OSBPL6: variants seen among roughly 807,000 people sequenced by gnomAD.
OSBPL6 encodes oxysterol binding protein like 6.
In OSBPL6, 49 loss-of-function variants were observed where a neutral mutation model predicts 125.8. The ratio of observed to expected loss-of-function variants is 0.39; its 90% CI spans 0.31 to 0.49. The LOEUF (loss-of-function observed/expected upper bound fraction) is 0.49, where lower values mean the gene tolerates loss of function less well. OSBPL6 is among the 20% of genes least tolerant of loss of function. The pLI, the probability that OSBPL6 is intolerant of heterozygous loss-of-function variation, is 0.88. For synonymous variants in OSBPL6, 394 were observed against 391.8 expected, an observed-to-expected ratio of 1.01 and a Z score of -0.07; for missense variants, 986 against 1,135.4, an observed-to-expected ratio of 0.87 and a Z score of 1.89.
chr2:178,219,153 G>A (rs1048737894), intron 1 of OSBPL6, among the ~76,000 whole-genome samples: 1 of 152,106 alleles, frequency 6.6e-6, no homozygotes, highest in Non-Finnish European at 1.5e-5. Flanking sequence ...AAAATAGACT[G>A]TTAGTGATAG....
At chr2:178,372,102 A>G (rs758247908) in intron 13 of OSBPL6, 24 bp from the exon 14 acceptor site, 2 of 1,525,894 alleles carry the variant, frequency 1.3e-6, no homozygotes, top group Admixed American at 1.7e-5. Context: ...TTTAAATTAC[A>G]TATGTGGTTT....
intron 1 of OSBPL6, among the ~76,000 whole-genome samples, chr2:178,201,747 T>C (rs1376584520): frequency 6.6e-6 from 1 of 152,226 alleles, no homozygotes; most frequent in Non-Finnish European, 1.5e-5. Flanking sequence ...TGGCACATGG[T>C]CCACATTAGA....
rs1169874354 is a variant in OSBPL6, at chr2:178,400,117, T to C, written c.*4558T>C. The stretch of plus-strand genomic sequence containing the variant: ...AACACTTAATTCATAAAGTGAGCAA[T>C]TGAACTTCTTAATACTGTTAGAGAA... On this transcript the variant is annotated 3_prime_UTR_variant, in exon 25 of 25. Coordinates refer to ENST00000190611, the MANE Select transcript of OSBPL6 (RefSeq NM_032523.4). The C allele has an allele frequency of 6.6e-6, 1 of 151,852 alleles. No homozygotes were observed. Among genetic ancestry groups the C allele is most frequent in the Non-Finnish European group, 1.5e-5 (1 of 67,992 alleles). The allele number at this position is 151,852 out of a possible 1,614,324, so 9.4% of individuals were successfully genotyped here.
intron 20 of OSBPL6, 54 bp from the exon 21 acceptor site, chr2:178,388,955 T>G: frequency 6.3e-7 from 1 of 1,577,036 alleles, no homozygotes; most frequent in Non-Finnish European, 8.7e-7. Flanking sequence ...GCAGAAACAG[T>G]TATATGTGTT....
chr2:178,338,184 C>A (rs779847079), intron 9 of OSBPL6, among the ~76,000 whole-genome samples: 1 of 152,158 alleles, frequency 6.6e-6, no homozygotes, highest in Non-Finnish European at 1.5e-5. Context: ...CCTCCCACCT[C>A]TGCCTCCCGA....
chr2:178,224,926 C>A (rs1002277338), intron 1 of OSBPL6, among the ~76,000 whole-genome samples: 5 of 152,098 alleles, frequency 3.3e-5, no homozygotes, highest in African/African-American at 4.8e-5. Context: ...CAGAGCAAGA[C>A]CCTGTCTGAA....
At chr2:178,311,407 A>C (rs552938700) in intron 3 of OSBPL6, among the ~76,000 whole-genome samples, 1 of 152,250 alleles carries the variant, frequency 6.6e-6, no homozygotes, top group African/African-American at 2.4e-5. Flanking sequence ...TCTTTAAAGC[A>C]TTGACTACCA....
intron 11 of OSBPL6, among the ~76,000 whole-genome samples, chr2:178,343,915 A>G (rs1390989808): frequency 6.6e-6 from 1 of 152,098 alleles, no homozygotes; most frequent in Non-Finnish European, 1.5e-5. Flanking sequence ...GTTTTTCCTG[A>G]ACTTACTTTT....
intron 1 of OSBPL6, among the ~76,000 whole-genome samples, chr2:178,262,439 A>C (rs2092094225): frequency 1.3e-5 from 2 of 152,208 alleles, no homozygotes; most frequent in South Asian, 4.1e-4. Context: ...TTAGGGTAGT[A>C]ACAAAATGTT....
chr2:178,340,177 T>C (rs1315405494), intron 11 of OSBPL6, among the ~76,000 whole-genome samples: 2 of 152,096 alleles, frequency 1.3e-5, no homozygotes, highest in African/African-American at 4.8e-5. Context: ...CAAGAAAAAG[T>C]GTAGGAGGTT....
At chr2:178,243,394 T>C (rs1279993007) in intron 1 of OSBPL6, among the ~76,000 whole-genome samples, 1 of 152,186 alleles carries the variant, frequency 6.6e-6, no homozygotes, top group Non-Finnish European at 1.5e-5. Flanking sequence ...AAACCAATCT[T>C]TTGATCCCCT....
At chr2:178,221,427 C>T (rs1183245310) in intron 1 of OSBPL6, among the ~76,000 whole-genome samples, 1 of 151,928 alleles carries the variant, frequency 6.6e-6, no homozygotes, top group African/African-American at 2.4e-5. Context: ...GTGACTGGGT[C>T]ATTATTGAGC....
intron 15 of OSBPL6, among the ~76,000 whole-genome samples, chr2:178,379,257 AAAAC>A (rs1334262963): frequency 6.9e-6 from 1 of 143,898 alleles, no homozygotes; most frequent in Non-Finnish European, 1.5e-5. Flanking sequence ...GAGAGAAAGA[AAAAC>A]AAAGAAAGAG....
intron 22 of OSBPL6, among the ~76,000 whole-genome samples, chr2:178,391,936 A>C (rs111496196): frequency 6.6e-6 from 1 of 152,220 alleles, no homozygotes; most frequent in South Asian, 2.1e-4. Flanking sequence ...GCTTTATTCC[A>C]GGAGCTCGGG....
chr2:178,392,666 G>A lies in OSBPL6; in HGVS notation c.2573+128G>A, dbSNP rs576962930. 6 of 1,231,652 alleles carry A rather than the reference G, an allele frequency of 4.9e-6. No homozygotes were observed. In the East Asian group the frequency reaches 1.3e-4, roughly 26 times the overall value. 76.3% of individuals were successfully genotyped at this position (1,231,652 alleles called of 1,614,324 possible). A position where few individuals can be genotyped will look rare whatever the true frequency, so the allele number is the denominator to read the frequency against. ...AGGTCAGGAATTCAAGACCAGCCTG[G>A]ACAATATAGTGAGACTCTATATCTC... On this transcript the variant is annotated intron_variant, in intron 23 of 24. Coordinates refer to ENST00000190611, the MANE Select transcript of OSBPL6 (RefSeq NM_032523.4).
In OSBPL6 at chr2:178,373,869, GT is replaced by G; in HGVS notation, c.1396-20del. The G allele has an allele frequency of 6.2e-7, 1 of 1,613,522 alleles. No homozygotes were observed. The highest frequency in any genetic ancestry group is 1.1e-5 in the South Asian group (1 of 90,960). On this transcript the variant is annotated intron_variant, in intron 14 of 24. Transcript: ENST00000190611. ...TAACAGGGAGAAAAGCAATTACACTGTATGCTTCTGTCTTCTGCAGGCTGGT... is the reference window on the plus strand; with the variant it reads ...TAACAGGGAGAAAAGCAATTACACTGATGCTTCTGTCTTCTGCAGGCTGGT...
intron 1 of OSBPL6, among the ~76,000 whole-genome samples, chr2:178,276,411 C>G (rs1311326848): frequency 1.5e-5 from 2 of 136,900 alleles, no homozygotes; most frequent in Non-Finnish European, 1.5e-5. Context: ...CTCGCTCTGT[C>G]GCCCAGGCTA....
At chr2:178,335,950 A>T (rs1433142037) in intron 8 of OSBPL6, among the ~76,000 whole-genome samples, 1 of 152,324 alleles carries the variant, frequency 6.6e-6, no homozygotes, top group South Asian at 2.1e-4. Flanking sequence ...GAAAGGAAAG[A>T]CCTTAAATCA....
intron 1 of OSBPL6, among the ~76,000 whole-genome samples, chr2:178,228,160 C>G (rs1441750985): frequency 6.6e-6 from 1 of 151,564 alleles, no homozygotes; most frequent in East Asian, 2.0e-4. Context: ...ATATTCCAAA[C>G]AAAACTAATG....
Sources: allele counts gnomAD v4.1 joint callset (sites outside exome capture counted in the v4.1 genomes callset), GRCh38; gene constraint gnomAD v4.1.1; transcripts MANE v1.5; gene names NCBI Gene and HGNC (gene_info 2026-07-23, HGNC 2026-07-21).